The following PCDH7 variants were observed in gnomAD, a reference collection of about 807,000 sequenced individuals.
PCDH7 encodes the protein protocadherin 7.
A neutral mutation model predicts 58.9 loss-of-function variants in PCDH7; 17 were observed. That is an observed-to-expected ratio of 0.29 (90% CI 0.20 to 0.43). The LOEUF is 0.43. Among genes scored for constraint, PCDH7 ranks in the 20% least tolerant of loss-of-function variants. PCDH7 has a pLI of 1.00. For synonymous variants in PCDH7, 664 were observed against 616.4 expected, an observed-to-expected ratio of 1.08 and a Z score of -1.14; for missense variants, 1,274 against 1,441.0, an observed-to-expected ratio of 0.88 and a Z score of 1.88.
At chr4:31,110,398 T>C (rs188974687) in intron 3 of PCDH7, among the ~76,000 whole-genome samples, 1 of 152,346 alleles carries the variant, frequency 6.6e-6, no homozygotes, top group Admixed American at 6.5e-5. Flanking sequence ...TCATTTTTAG[T>C]AATCTTTTCC....
intron 3 of PCDH7, among the ~76,000 whole-genome samples, chr4:31,102,523 G>A (rs923188238): frequency 6.6e-6 from 1 of 152,068 alleles, no homozygotes; most frequent in Non-Finnish European, 1.5e-5. Flanking sequence ...AGGAGTTCGA[G>A]ACCAGCCTGG....
intron 3 of PCDH7, among the ~76,000 whole-genome samples, chr4:31,006,371 A>G (rs1383530519): frequency 1.3e-5 from 2 of 152,230 alleles, no homozygotes; most frequent in Admixed American, 6.5e-5. Context: ...GGCAAAAATG[A>G]AGGATGAGAA....
chr4:30,721,108 A>C lies in PCDH7; in HGVS notation c.-315A>C. 3.0e-6 allele frequency: 1 copy of C among 333,530 alleles called. No individual in the cohort carries two copies. The allele number at this position is 333,530 out of a possible 1,614,324, so 20.7% of individuals were successfully genotyped here. ...GGGGAGCGCCGAACCCGCGGCGCGC[A>C]GTGTCCCGTGAACTGTGAGTACTGC... On this transcript the variant is annotated 5_prime_UTR_variant, in exon 1 of 2. Transcript: ENST00000361762. This position sits in a 1 kb window ranked among gnomAD's most constrained non-coding sequence, Gnocchi z 6.7.
At chr4:31,081,791 G>C (rs1299057173) in intron 3 of PCDH7, among the ~76,000 whole-genome samples, 2 of 130,842 alleles carry the variant, frequency 1.5e-5, no homozygotes, top group Non-Finnish European at 3.2e-5. Flanking sequence ...TTTTTTTTCT[G>C]AGATACAGTC....
intron 1 of PCDH7, among the ~76,000 whole-genome samples, chr4:30,797,095 G>C (rs1724881141): frequency 6.6e-6 from 1 of 151,986 alleles, no homozygotes; most frequent in Non-Finnish European, 1.5e-5. Flanking sequence ...CAAGTAGCTG[G>C]GACTACAGGC....
intron 3 of PCDH7, among the ~76,000 whole-genome samples, chr4:31,108,023 A>T (rs1715797065): frequency 6.6e-6 from 1 of 152,200 alleles, no homozygotes; most frequent in Non-Finnish European, 1.5e-5. Context: ...TACAAAGTAT[A>T]GTACTTCTGC....
At chr4:30,877,597 A>T (rs1038548880) in intron 1 of PCDH7, among the ~76,000 whole-genome samples, 8 of 152,222 alleles carry the variant, frequency 5.3e-5, no homozygotes, top group African/African-American at 1.9e-4. Context: ...TCTCTTCATC[A>T]TGCAGGCAAT....
At chr4:30,809,971 C>G (rs750080495) in intron 1 of PCDH7, among the ~76,000 whole-genome samples, 2 of 152,116 alleles carry the variant, frequency 1.3e-5, no homozygotes, top group Non-Finnish European at 2.9e-5. Flanking sequence ...TTTTCTTGTT[C>G]TTCAATGTGC....
intron 1 of PCDH7, among the ~76,000 whole-genome samples, chr4:30,786,174 A>C (rs1723365082): frequency 6.6e-6 from 1 of 152,072 alleles, no homozygotes; most frequent in Non-Finnish European, 1.5e-5. Context: ...TTAGCAGGCC[A>C]TTTGTTGATA....
intron 3 of PCDH7, among the ~76,000 whole-genome samples, chr4:31,110,477 A>C (rs560207810): frequency 6.6e-6 from 1 of 152,344 alleles, no homozygotes; most frequent in South Asian, 2.1e-4. Context: ...CATTAGATAT[A>C]AAATAAGGAA....
intron 1 of PCDH7, among the ~76,000 whole-genome samples, chr4:30,760,226 T>C (rs1281857010): frequency 6.6e-6 from 1 of 152,104 alleles, no homozygotes; most frequent in Non-Finnish European, 1.5e-5. Flanking sequence ...AATGGAACAT[T>C]AAGGAGGAAG....
At chr4:30,944,824 A>G (rs1746475003) in intron 2 of PCDH7, among the ~76,000 whole-genome samples, 1 of 152,202 alleles carries the variant, frequency 6.6e-6, no homozygotes, top group South Asian at 2.1e-4. Context: ...ACAATAGTCA[A>G]CAGTTAACTA....
chr4:30,746,072 G>C (rs1016708123), intron 1 of PCDH7, among the ~76,000 whole-genome samples: 1 of 151,922 alleles, frequency 6.6e-6, no homozygotes. Context: ...CAAGTGATCC[G>C]CCTGCCTCAG....
Position 30,919,422 on chromosome 4 carries a change from T to A in PCDH7, c.71-731T>A, listed in dbSNP as rs187759276. Among the ~76,000 whole-genome samples the A allele has an allele frequency of 1.3e-4, 20 of 152,274 alleles. No homozygotes were observed. The East Asian group carries it at 3.7e-3, about 28-fold the overall frequency. On this transcript the variant is annotated intron_variant, in intron 1 of 3. Coordinates refer to the PCDH7 transcript ENST00000509759. Reference sequence around the variant, plus strand: ...TTCAACTGGATAGTTTCATAAAATTTTTTAAAAACAAATTAAAGGCTGTAC... The same window carrying A: ...TTCAACTGGATAGTTTCATAAAATTATTTAAAAACAAATTAAAGGCTGTAC...
At chr4:31,006,796 G>A (rs763722163) in intron 3 of PCDH7, among the ~76,000 whole-genome samples, 25 of 151,892 alleles carry the variant, frequency 1.6e-4, no homozygotes, top group Non-Finnish European at 3.4e-4. Context: ...GGAGGCTGAG[G>A]CAGGAGAATA....
chr4:30,811,841 G>A (rs1318840746), intron 1 of PCDH7, among the ~76,000 whole-genome samples: 1 of 152,154 alleles, frequency 6.6e-6, no homozygotes, highest in Non-Finnish European at 1.5e-5. Flanking sequence ...GGAAGGAGAA[G>A]ATTCAGATCA....
rs548714455 is a variant in PCDH7, at chr4:30,940,919, G to A, written c.288-9201G>A. Reference sequence around the variant, plus strand: ...TTTTTTCGGCTTGAAATAAAACATTGAGAATATATACATACATAATGAAAT... The same window carrying A: ...TTTTTTCGGCTTGAAATAAAACATTAAGAATATATACATACATAATGAAAT... On this transcript the variant is annotated intron_variant, in intron 2 of 3. Coordinates refer to the PCDH7 transcript ENST00000509759. Among the ~76,000 whole-genome samples the A allele has an allele frequency of 2.0e-5, 3 of 151,896 alleles. No individual in the cohort carries two copies. In the East Asian group the frequency reaches 5.8e-4, roughly 29 times the overall value.
chr4:31,046,212 C>T (rs1332564097), intron 3 of PCDH7, among the ~76,000 whole-genome samples: 2 of 151,910 alleles, frequency 1.3e-5, no homozygotes, highest in African/African-American at 4.8e-5. Flanking sequence ...TCACAACACC[C>T]CCACTTAACC....
chr4:30,977,133 A>G lies in PCDH7; in HGVS notation c.*7+26918A>G, dbSNP rs148810733. ...TCATATCGTTCTTTAAAAGCCTTCT[A>G]TATACAACAGGTATGAGAAACAATA... On this transcript the variant is annotated intron_variant, in intron 3 of 3. Coordinates refer to the PCDH7 transcript ENST00000509759. Among the ~76,000 whole-genome samples the G allele has an allele frequency of 3.6e-4, 55 of 152,318 alleles. No homozygotes were observed. The East Asian group carries it at 8.7e-3, about 24-fold the overall frequency.
Sources: allele counts gnomAD v4.1 joint callset (sites outside exome capture counted in the v4.1 genomes callset), GRCh38; gene constraint gnomAD v4.1.1; non-coding constraint Gnocchi (gnomAD v3.1); transcripts MANE v1.5; gene names NCBI Gene and HGNC (gene_info 2026-07-23, HGNC 2026-07-21).